CHMP4C: variants seen among roughly 807,000 people sequenced by gnomAD.
CHMP4C encodes charged multivesicular body protein 4C.
A neutral mutation model predicts 29.0 loss-of-function variants in CHMP4C; 28 were observed. The ratio of observed to expected loss-of-function variants is 0.97; its 90% CI spans 0.72 to 1.32. The LOEUF (loss-of-function observed/expected upper bound fraction) is 1.32. CHMP4C is among the 40% of genes most tolerant of loss of function. The pLI is 0.00. For missense variants in CHMP4C, 291 were observed against 281.0 expected (o/e 1.04, Z -0.25); for synonymous variants, 106 against 102.4 (o/e 1.04, Z -0.21).
intron 1 of CHMP4C, among the ~76,000 whole-genome samples, chr8:81,751,553 AT>A (rs1364423845): frequency 6.6e-6 from 1 of 152,144 alleles, no homozygotes; most frequent in Non-Finnish European, 1.5e-5. Context: ...AAGGGTATCC[AT>A]TAAGAGAAAA....
chr8:81,753,524 G>C (rs935745690), intron 2 of CHMP4C, among the ~76,000 whole-genome samples: 2 of 152,084 alleles, frequency 1.3e-5, no homozygotes, highest in African/African-American at 4.8e-5. Flanking sequence ...TTTAAAAAAG[G>C]CTTCGATTTC....
chr8:81,733,510 T>C (rs914367089), intron 1 of CHMP4C, among the ~76,000 whole-genome samples: 1 of 151,900 alleles, frequency 6.6e-6, no homozygotes, highest in Non-Finnish European at 1.5e-5. Flanking sequence ...AGCTGGATGT[T>C]CGGCAGTTGA....
chr8:81,737,598 C>G (rs1585940694), intron 1 of CHMP4C, among the ~76,000 whole-genome samples: 2 of 152,124 alleles, frequency 1.3e-5, no homozygotes, highest in African/African-American at 2.4e-5. Flanking sequence ...TAGTTAAGAG[C>G]CTGGGCTTCA....
intron 1 of CHMP4C, among the ~76,000 whole-genome samples, chr8:81,742,794 A>G (rs1459985508): frequency 6.6e-6 from 1 of 152,200 alleles, no homozygotes; most frequent in Non-Finnish European, 1.5e-5. Context: ...AACTGTAGAA[A>G]AAAAATTATG....
intron 3 of CHMP4C, among the ~76,000 whole-genome samples, chr8:81,755,986 A>T (rs1205901827): frequency 1.3e-5 from 2 of 152,230 alleles, no homozygotes; most frequent in Non-Finnish European, 2.9e-5. Flanking sequence ...GACTATAATT[A>T]TAATGGTGAT....
chr8:81,739,420 G>GGGGC (rs1554592455), intron 1 of CHMP4C, among the ~76,000 whole-genome samples: 1 of 135,052 alleles, frequency 7.4e-6, no homozygotes, highest in Non-Finnish European at 1.5e-5. Context: ...GGGGATTGTG[G>GGGGC]GGGGGGGTGG....
chr8:81,758,428 C>T (rs1345275739), intron 4 of CHMP4C, 52 bp from the exon 5 acceptor site: 8 of 1,547,328 alleles, frequency 5.2e-6, no homozygotes. Context: ...GTTTTCTATG[C>T]TGAAAGTGTG....
In CHMP4C at chr8:81,758,630, A is replaced by C; in HGVS notation, c.*86A>C. 2 of 873,968 alleles carry C rather than the reference A, an allele frequency of 2.3e-6. No homozygotes were observed. Among genetic ancestry groups the C allele is most frequent in the Non-Finnish European group, 3.7e-6 (2 of 536,934 alleles). The allele number at this position is 873,968 out of a possible 1,614,324, so 54.1% of individuals were successfully genotyped here. ...TTACCAAGTTCAGAAGTTAACAAAG[A>C]CTCTGCTTTATAATTATATTGAATG... On this transcript the variant is annotated 3_prime_UTR_variant, in exon 5 of 5. Transcript: ENST00000297265.
chr8:81,754,691 G>A (rs534902212), intron 2 of CHMP4C, among the ~76,000 whole-genome samples: 2 of 152,254 alleles, frequency 1.3e-5, no homozygotes, highest in South Asian at 4.1e-4. Context: ...GACATGCTTA[G>A]GCGGGTGTTT....
At chr8:81,753,895 C>T (rs886978488) in intron 2 of CHMP4C, among the ~76,000 whole-genome samples, 10 of 151,958 alleles carry the variant, frequency 6.6e-5, no homozygotes, top group African/African-American at 2.2e-4. Context: ...AGATATAATG[C>T]ACTTAGTATA....
intron 3 of CHMP4C, among the ~76,000 whole-genome samples, chr8:81,757,514 T>C (rs1156369185): frequency 6.6e-6 from 1 of 152,186 alleles, no homozygotes; most frequent in Admixed American, 6.5e-5. Flanking sequence ...GGTCTCAAAC[T>C]AGCCTTGTCT....
At position 81,758,294 on chromosome 8, in the gene CHMP4C, A is replaced by C. The variant is rs754509321; in HGVS notation, c.636A>C (p.Ala212=). 2 of 1,613,980 alleles carry C rather than the reference A, an allele frequency of 1.2e-6. No homozygotes were observed. Among genetic ancestry groups the C allele is most frequent in the Admixed American group, 3.3e-5 (2 of 59,968 alleles). Residue 212 remains alanine, a splice_region_variant and synonymous_variant, in exon 4 of 5, where the codon GCA becomes GCC. Coordinates refer to ENST00000297265, the MANE Select transcript of CHMP4C (RefSeq NM_152284.4). Reference sequence around the variant, plus strand: ...CGTCCACTGCACGTCGATCCCGAGCAGGTCTGTTACCCAGCTCAACTACAT... The same window carrying C: ...CGTCCACTGCACGTCGATCCCGAGCCGGTCTGTTACCCAGCTCAACTACAT... ...GMSSTARRSR[A]ASSQRAEEED... is the part of the protein sequence containing the mutation.
At chr8:81,755,347 T>G in intron 2 of CHMP4C, 23 bp from the exon 3 acceptor site, 2 of 1,368,074 alleles carry the variant, frequency 1.5e-6, no homozygotes, top group Non-Finnish European at 2.1e-6. Context: ...TTCTAAAATG[T>G]TCAACAAAAT....
At chr8:81,740,727 C>T (rs1016950452) in intron 1 of CHMP4C, among the ~76,000 whole-genome samples, 3 of 152,244 alleles carry the variant, frequency 2.0e-5, no homozygotes, top group Non-Finnish European at 4.4e-5. Flanking sequence ...TGTATTTACA[C>T]ACCTGGGGTT....
intron 1 of CHMP4C, among the ~76,000 whole-genome samples, chr8:81,735,637 T>A (rs1808679596): frequency 1.3e-5 from 2 of 152,222 alleles, no homozygotes. Flanking sequence ...ATTCTCTGAA[T>A]GGCCAGGTAG....
chr8:81,755,313 T>A (rs1005175800), intron 2 of CHMP4C, 57 bp from the exon 3 acceptor site: 8 of 945,518 alleles, frequency 8.5e-6, no homozygotes, highest in Middle Eastern at 2.2e-4. Flanking sequence ...GGATTATATC[T>A]AAATTCATAA....
Position 81,732,544 on chromosome 8 carries a change from C to A in CHMP4C, c.-83C>A. On this transcript the variant is annotated 5_prime_UTR_variant, in exon 1 of 5. Coordinates refer to ENST00000297265, the MANE Select transcript of CHMP4C (RefSeq NM_152284.4). The stretch of plus-strand genomic sequence containing the variant: ...CCGGTCTGGGTCCCCGAGAGGACTG[C>A]CTTGCTCACCTGTCCCCTCGGCGCG... 1.9e-6 allele frequency: 2 copies of A among 1,042,486 alleles called. No homozygotes were observed. Among genetic ancestry groups the A allele is most frequent in the Non-Finnish European group, 1.4e-6 (1 of 727,174 alleles). 64.6% of individuals were successfully genotyped at this position (1,042,486 alleles called of 1,614,324 possible).
At position 81,736,293 on chromosome 8, in the gene CHMP4C, C is replaced by A. The variant is rs914570074; in HGVS notation, c.190+3477C>A. 2.6e-5 allele frequency among the ~76,000 whole-genome samples: 4 copies of A among 151,252 alleles called. No individual in the cohort carries two copies. The East Asian group carries it at 5.9e-4, about 22-fold the overall frequency. ...ACCTCAGCTTCCTGAGTAGCTAGCA[C>A]CACAGGCACGCACTACCACACCCAG... On this transcript the variant is annotated intron_variant, in intron 1 of 4. Coordinates refer to ENST00000297265, the MANE Select transcript of CHMP4C (RefSeq NM_152284.4).
chr8:81,750,458 AG>A (rs202219032), intron 1 of CHMP4C, among the ~76,000 whole-genome samples: 72 of 149,000 alleles, frequency 4.8e-4, no homozygotes, highest in South Asian at 8.5e-4. Context: ...AAAAAAAAAA[AG>A]ACTCCGTACA....
Sources: allele counts gnomAD v4.1 joint callset (sites outside exome capture counted in the v4.1 genomes callset), GRCh38; gene constraint gnomAD v4.1.1; transcripts MANE v1.5; gene names NCBI Gene and HGNC (gene_info 2026-07-23, HGNC 2026-07-21).